Variants in KCNJ6 observed in about 807,000 individuals in gnomAD.
KCNJ6 encodes the protein G protein-activated inward rectifier potassium channel 2.
KCNJ6 carries 9 observed loss-of-function variants against 34.2 expected under a neutral mutation model. The observed-to-expected ratio is 0.26, with a 90% confidence interval of 0.16 to 0.46. The LOEUF is 0.46. Ranked by LOEUF, KCNJ6 falls within the 20% of genes least tolerant of loss-of-function variation. KCNJ6 has a pLI of 1.00. For missense variants in KCNJ6, 236 were observed against 531.3 expected, an observed-to-expected ratio of 0.44 and a Z score of 5.46; for synonymous variants, 196 against 207.1, an observed-to-expected ratio of 0.95 and a Z score of 0.46.
chr21:37,863,731 A>G (rs2836026), intron 1 of KCNJ6, among the ~76,000 whole-genome samples: 48,996 of 151,708 alleles, frequency 0.32, 8,596 homozygotes, highest in African/African-American at 0.45. Context: ...CTAAAATAAT[A>G]TTTAGCTGCT....
At chr21:37,895,943 T>C (rs8129611) in intron 1 of KCNJ6, among the ~76,000 whole-genome samples, 1 of 152,046 alleles carries the variant, frequency 6.6e-6, no homozygotes, top group Non-Finnish European at 1.5e-5. Context: ...ACGCCGTTCT[T>C]GGACTGCTAT....
intron 2 of KCNJ6, among the ~76,000 whole-genome samples, chr21:37,773,075 G>A (rs1176278650): frequency 6.6e-6 from 1 of 152,210 alleles, no homozygotes; most frequent in African/African-American, 2.4e-5. Flanking sequence ...CAGGGTGTCT[G>A]TATCACTGGG....
intron 2 of KCNJ6, among the ~76,000 whole-genome samples, chr21:37,723,878 A>T (rs1227969706): frequency 6.6e-6 from 1 of 152,148 alleles, no homozygotes; most frequent in African/African-American, 2.4e-5. Flanking sequence ...CCCATGTAAC[A>T]ATCCTGCACA....
intron 2 of KCNJ6, among the ~76,000 whole-genome samples, chr21:37,756,879 CGG>C (rs2055030926): frequency 7.5e-5 from 6 of 79,890 alleles, no homozygotes; most frequent in Admixed American, 1.3e-4. Context: ...GATTCCAGCC[CGG>C]AGTGAGCACT....
At chr21:37,667,974 A>G (rs1461904198) in intron 3 of KCNJ6, among the ~76,000 whole-genome samples, 8 of 152,054 alleles carry the variant, frequency 5.3e-5, no homozygotes, top group African/African-American at 1.4e-4. Flanking sequence ...TTAAAAGCGC[A>G]GGGGCCTGGG....
intron 3 of KCNJ6, among the ~76,000 whole-genome samples, chr21:37,637,253 C>T (rs1462325660): frequency 1.3e-5 from 2 of 152,138 alleles, no homozygotes; most frequent in Non-Finnish European, 1.5e-5. Flanking sequence ...TGCCAACTGC[C>T]GAACATTTAA....
chr21:37,787,439 T>C (rs917647649), intron 2 of KCNJ6, among the ~76,000 whole-genome samples: 1 of 152,172 alleles, frequency 6.6e-6, no homozygotes, highest in African/African-American at 2.4e-5. Context: ...GATCTCATAA[T>C]ACATGCTGAC....
Position 37,714,484 on chromosome 21 carries a change from C to T in KCNJ6, c.673G>A (p.Gly225Arg). The T allele has an allele frequency of 2.5e-6, 4 of 1,614,178 alleles. No homozygotes were observed. The highest frequency in any genetic ancestry group is 3.4e-6 in the Non-Finnish European group (4 of 1,180,042). The change falls in exon 3 of 4, where the codon GGG becomes AGG. Residue 225 changes from glycine to arginine, a missense_variant. This residue lies in a region of KCNJ6 where 60 missense variants were observed against 207.3 expected (regional missense o/e 0.29). Transcript: ENST00000609713. This position sits in a 1 kb window ranked among gnomAD's most constrained non-coding sequence, Gnocchi z 5.9. ...ACAATGTGGGAATTCCTAAGGTCCC[C>T]TACCCGGAACATCAGGCACAGTTTC... ...DGKLCLMFRV[G>R]DLRNSHIVEA...
At chr21:37,672,958 T>C (rs1282701261) in intron 3 of KCNJ6, among the ~76,000 whole-genome samples, 1 of 152,230 alleles carries the variant, frequency 6.6e-6, no homozygotes, top group Admixed American at 6.5e-5. Context: ...ATTTTATTTT[T>C]TGTAGAGACA....
At chr21:37,702,634 T>C (rs978875888) in intron 3 of KCNJ6, among the ~76,000 whole-genome samples, 1 of 152,138 alleles carries the variant, frequency 6.6e-6, no homozygotes, top group South Asian at 2.1e-4. Context: ...AGGTTAGTAC[T>C]GAAGATAGAA....
intron 1 of KCNJ6, among the ~76,000 whole-genome samples, chr21:37,903,906 C>T (rs1229512837): frequency 6.6e-6 from 1 of 152,104 alleles, no homozygotes; most frequent in Non-Finnish European, 1.5e-5. Context: ...CCTCCTGACA[C>T]CTATTTTGTA....
intron 2 of KCNJ6, among the ~76,000 whole-genome samples, chr21:37,775,586 A>G (rs1601465878): frequency 6.6e-6 from 1 of 152,206 alleles, no homozygotes; most frequent in African/African-American, 2.4e-5. Context: ...CAGTTTTCCC[A>G]GCACCATTTA....
In KCNJ6 at chr21:37,738,358, T is replaced by C. The variant is rs534875053; in HGVS notation, c.26-23227A>G. On this transcript the variant is annotated intron_variant, in intron 2 of 3. Coordinates refer to ENST00000609713, the MANE Select transcript of KCNJ6 (RefSeq NM_002240.5). ...CCATGCTTCTCCCCCCTGGGGCCCA[T>C]TGGCAAAGCCTGTGTGCTTTGCTGT... Among the ~76,000 whole-genome samples the C allele has an allele frequency of 3.6e-4, 55 of 152,294 alleles. 1 individual carries two copies. In the South Asian group the frequency reaches 9.3e-3, roughly 26 times the overall value.
intron 2 of KCNJ6, among the ~76,000 whole-genome samples, chr21:37,723,763 AG>A (rs1276466025): frequency 6.6e-6 from 1 of 152,126 alleles, no homozygotes; most frequent in Non-Finnish European, 1.5e-5. Context: ...GGACTACTAG[AG>A]GGGAGAAGGA....
At chr21:37,747,957 C>CT (rs1272211209) in intron 2 of KCNJ6, among the ~76,000 whole-genome samples, 1 of 152,190 alleles carries the variant, frequency 6.6e-6, no homozygotes, top group East Asian at 1.9e-4. Context: ...TGCCTGGAGA[C>CT]TGAGTCACAG....
intron 3 of KCNJ6, among the ~76,000 whole-genome samples, chr21:37,648,360 C>T (rs772863482): frequency 1.3e-5 from 2 of 152,084 alleles, no homozygotes; most frequent in Admixed American, 6.5e-5. Flanking sequence ...TTGGACTTCT[C>T]GGAAAGATGA....
chr21:37,853,160 A>C (rs922012206), intron 1 of KCNJ6, among the ~76,000 whole-genome samples: 1 of 151,524 alleles, frequency 6.6e-6, no homozygotes, highest in Non-Finnish European at 1.5e-5. Flanking sequence ...AAAAAAAAAA[A>C]CAACTACAGA....
intron 2 of KCNJ6, among the ~76,000 whole-genome samples, chr21:37,745,211 C>T (rs1249318784): frequency 1.3e-5 from 2 of 151,140 alleles, no homozygotes; most frequent in African/African-American, 4.9e-5. Flanking sequence ...ACTCCTGCCT[C>T]AGCCTTCTGA....
intron 3 of KCNJ6, among the ~76,000 whole-genome samples, chr21:37,639,339 G>A (rs1227027765): frequency 6.6e-6 from 1 of 152,160 alleles, no homozygotes; most frequent in Non-Finnish European, 1.5e-5. Context: ...ACAAACCTCT[G>A]AGGTAAAACT....
Sources: gnomAD v4.1 joint callset for allele counts (sites outside exome capture counted in the v4.1 genomes callset) on GRCh38, gnomAD v4.1.1 for gene constraint, gnomAD v4.1.1 regional missense constraint, Gnocchi (gnomAD v3.1) non-coding constraint, MANE v1.5 for transcripts, NCBI Gene and HGNC (gene_info 2026-07-23, HGNC 2026-07-21) for gene names.